AADACL2: variants seen among roughly 807,000 people sequenced by gnomAD.
The protein encoded by AADACL2 is arylacetamide deacetylase like 2.
In AADACL2, 23 loss-of-function variants were observed where a neutral mutation model predicts 22.3. The observed-to-expected ratio is 1.03, with a 90% CI of 0.74 to 1.46. AADACL2 has a LOEUF of 1.46. AADACL2 is among the 40% of genes most tolerant of loss of function. AADACL2 has a pLI of 0.00. For missense variants in AADACL2, 472 were observed against 482.9 expected (o/e 0.98, Z 0.21); for synonymous variants, 177 against 166.2 (o/e 1.07, Z -0.50).
chr3:151,738,329 CTCT>C (rs1713162899), intron 1 of AADACL2, among the ~76,000 whole-genome samples: 2 of 152,198 alleles, frequency 1.3e-5, no homozygotes, highest in Non-Finnish European at 2.9e-5. Flanking sequence ...TGTCCCCACT[CTCT>C]TCTGGCTTGT....
chr3:151,757,042 T>A lies in AADACL2; in HGVS notation c.654T>A (p.Leu218=). The change falls in exon 5 of 5, where the codon CTT becomes CTA. Residue 218 remains leucine, a synonymous_variant. Coordinates refer to ENST00000356517, the MANE Select transcript of AADACL2 (RefSeq NM_207365.4). ...ATAAAATCAAGATGCAAGTCTTACT[T>A]TACCCTGGCTTACAGATAACAGATT... The part of the protein sequence containing the change: ...IKHKIKMQVL[L]YPGLQITDSY... 1 of 1,611,912 alleles carries A rather than the reference T, an allele frequency of 6.2e-7. No individual in the cohort carries two copies. Among genetic ancestry groups the A allele is most frequent in the South Asian group, 1.1e-5 (1 of 90,958 alleles).
chr3:151,753,580 G>C (rs1713757779), intron 4 of AADACL2, among the ~76,000 whole-genome samples: 1 of 152,144 alleles, frequency 6.6e-6, no homozygotes, highest in Non-Finnish European at 1.5e-5. Context: ...GTTAGGGGTA[G>C]TTCATAGAAA....
rs191779932 is a variant in AADACL2 at position 151,740,730 on chromosome 3, T to C, written c.223T>C (p.Ser75Pro). 197 of 1,613,978 alleles carry C rather than the reference T, an allele frequency of 1.2e-4. 2 individuals carry two copies. The East Asian group carries it at 4.4e-3, about 36-fold the overall frequency. ...CAGGCTGGATTATACCCAACCACTT[T>C]CAGATGAATACATCACAGTGACTGA... is the stretch of plus-strand genomic sequence containing the variant. ...IFRLDYTQPL[S>P]DEYITVTDTT... Residue 75 changes from serine to proline, a missense_variant, in exon 2 of 5, where the codon TCA becomes CCA. Physicochemically the swap from Ser to Pro is moderately conservative, Grantham distance 74. Coordinates refer to ENST00000356517, the MANE Select transcript of AADACL2 (RefSeq NM_207365.4).
Position 151,759,982 on chromosome 3 carries a change from C to T in AADACL2, c.*2388C>T, listed in dbSNP as rs944413027. 1.3e-5 allele frequency: 2 copies of T among 152,074 alleles called. No homozygotes were observed. The highest frequency in any genetic ancestry group is 4.8e-5 in the African/African-American group (2 of 41,412). The allele number at this position is 152,074 out of a possible 1,614,324, so 9.4% of individuals were successfully genotyped here. On this transcript the variant is annotated 3_prime_UTR_variant, in exon 5 of 5. Coordinates refer to ENST00000356517, the MANE Select transcript of AADACL2 (RefSeq NM_207365.4). ...AATAATTGTACATATTCATGGGATA[C>T]ATAGTGACGTTTCAATACATATCAT...
chr3:151,745,737 A>G (rs1713423684), intron 4 of AADACL2, 57 bp downstream of exon 4: 4 of 1,516,210 alleles, frequency 2.6e-6, no homozygotes, highest in Admixed American at 4.4e-5. Context: ...TTTTTTTTCT[A>G]TAGATAATTC....
intron 4 of AADACL2, among the ~76,000 whole-genome samples, chr3:151,752,454 TC>T (rs1448627865): frequency 6.6e-6 from 1 of 152,230 alleles, no homozygotes; most frequent in African/African-American, 2.4e-5. Flanking sequence ...TTGCTAGATT[TC>T]CTGGCAACAT....
intron 4 of AADACL2, chr3:151,751,379 G>C (rs1444160801): frequency 3.3e-5 from 5 of 152,162 alleles, no homozygotes; most frequent in African/African-American, 9.7e-5. Context: ...TGTAACATTT[G>C]CTTGGCTTTG....
In AADACL2 at chr3:151,746,067, T is replaced by C. The variant is rs533918219; in HGVS notation, c.603+387T>C. Among the ~76,000 whole-genome samples, 21 of 152,274 alleles carry C rather than the reference T, an allele frequency of 1.4e-4. No individual in the cohort carries two copies. In the South Asian group the frequency reaches 3.9e-3, roughly 29 times the overall value. On this transcript the variant is annotated intron_variant, in intron 4 of 4. Coordinates refer to ENST00000356517, the MANE Select transcript of AADACL2 (RefSeq NM_207365.4). ...TTGACGTGTCAACAATATTGAGATTTCCAATTAATGTACATGGCATGTCTC... is the reference window on the plus strand; with the variant it reads ...TTGACGTGTCAACAATATTGAGATTCCCAATTAATGTACATGGCATGTCTC...
Position 151,755,789 on chromosome 3 carries a change from CTGTT to C in AADACL2, c.604-1197_604-1194del, listed in dbSNP as rs1047699587. On this transcript the variant is annotated intron_variant, in intron 4 of 4. Transcript: ENST00000356517. ...TGACCTGTCCCTGTTTATGTGTTCT[CTGTT>C]TGTTTTTTTCCTAGATTAGCGAGAT... Among the ~76,000 whole-genome samples, 10 of 151,982 alleles carry C rather than the reference CTGTT, an allele frequency of 6.6e-5. No individual in the cohort carries two copies. In the South Asian group the frequency reaches 1.0e-3, roughly 16 times the overall value.
chr3:151,757,597 A>G lies in AADACL2; in HGVS notation c.*3A>G, dbSNP rs1474589179. ...GTTGGCTGGATAAGAATTTATAAAT[A>G]TGTGATGTGTATGTATAGCCCTTAC... On this transcript the variant is annotated 3_prime_UTR_variant, in exon 5 of 5. Transcript: ENST00000356517. 2 of 1,600,678 alleles carry G rather than the reference A, an allele frequency of 1.2e-6. No homozygotes were observed. Among genetic ancestry groups the G allele is most frequent in the Non-Finnish European group, 1.7e-6 (2 of 1,172,990 alleles).
intron 4 of AADACL2, chr3:151,754,978 T>A (rs1273917837): frequency 6.6e-6 from 1 of 152,084 alleles, no homozygotes; most frequent in Non-Finnish European, 1.5e-5. Context: ...TTTTGAACTT[T>A]GCTTAGCTGG....
chr3:151,755,276 T>A (rs763437410), intron 4 of AADACL2: 6 of 152,118 alleles, frequency 3.9e-5, no homozygotes, highest in Non-Finnish European at 8.8e-5. Context: ...ACAACTTAGG[T>A]ATCATGTCAG....
In AADACL2 at chr3:151,757,276, A is replaced by G; in HGVS notation, c.888A>G (p.Val296=). 1 of 1,613,786 alleles carries G rather than the reference A, an allele frequency of 6.2e-7. No individual in the cohort carries two copies. Among genetic ancestry groups the G allele is most frequent in the Non-Finnish European group, 8.5e-7 (1 of 1,179,706 alleles). Residue 296 remains valine (V), a synonymous_variant, in exon 5 of 5, where the codon GTA becomes GTG. Transcript: ENST00000356517. ...LLPEKYRKDY[V]YTEPILGGLS... ...CTGAGAAGTATAGAAAAGACTATGT[A>G]TATACTGAACCAATTCTTGGAGGAC...
At chr3:151,747,911 G>A (rs1713512905) in intron 4 of AADACL2, among the ~76,000 whole-genome samples, 1 of 151,814 alleles carries the variant, frequency 6.6e-6, no homozygotes, top group Non-Finnish European at 1.5e-5. Context: ...AATGTACAAG[G>A]GGTCCTTGTA....
chr3:151,744,357 A>T lies in AADACL2; in HGVS notation c.431+195A>T, dbSNP rs114256508. 8.4e-3 allele frequency among the ~76,000 whole-genome samples: 1,285 copies of T among 152,258 alleles called. 19 individuals are homozygous for T. Among genetic ancestry groups the T allele is most frequent in the African/African-American group, 0.03 (1,228 of 41,548 alleles). ...TTTCTGTGATTGTGAGAATATCTGA[A>T]TTATACCCCAGAGTAAGCAGTTTTG... On this transcript the variant is annotated intron_variant, in intron 3 of 4. Coordinates refer to ENST00000356517, the MANE Select transcript of AADACL2 (RefSeq NM_207365.4).
chr3:151,741,484 G>C (rs1295383470), intron 2 of AADACL2, among the ~76,000 whole-genome samples: 1 of 152,054 alleles, frequency 6.6e-6, no homozygotes, highest in Non-Finnish European at 1.5e-5. Context: ...GTGAATGAGA[G>C]GGACATCTGA....
In AADACL2 at chr3:151,757,157, G is replaced by T. The variant is rs138086096; in HGVS notation, c.769G>T (p.Asp257Tyr). Residue 257 changes from aspartate (D) to tyrosine (Y), a missense_variant, in exon 5 of 5, where the codon GAT becomes TAT. Transcript: ENST00000356517. Reference protein sequence around the residue: ...IKLVSLYFTKDEALPWAMRRN... With the variant: ...IKLVSLYFTKYEALPWAMRRN... ...ACTCGTGAGCTTATATTTCACCAAG[G>T]ATGAAGCACTTCCCTGGGCAATGAG... 2.5e-6 allele frequency: 4 copies of T among 1,613,084 alleles called. No individual in the cohort carries two copies. In the African/African-American group the frequency reaches 5.4e-5, roughly 22 times the overall value.
At chr3:151,744,580 TA>T (rs1409753962) in intron 3 of AADACL2, among the ~76,000 whole-genome samples, 2 of 152,164 alleles carry the variant, frequency 1.3e-5, no homozygotes, top group Non-Finnish European at 2.9e-5. Flanking sequence ...TTTGATATAA[TA>T]ATATGTTTGT....
intron 4 of AADACL2, among the ~76,000 whole-genome samples, chr3:151,746,276 T>C (rs1249957357): frequency 6.6e-6 from 1 of 151,894 alleles, no homozygotes; most frequent in Non-Finnish European, 1.5e-5. Flanking sequence ...TTCTATGCTA[T>C]ATAGAAATAC....
Sources: gnomAD v4.1 joint callset for allele counts (sites outside exome capture counted in the v4.1 genomes callset) on GRCh38, gnomAD v4.1.1 for gene constraint, MANE v1.5 for transcripts, NCBI Gene and HGNC (gene_info 2026-07-23, HGNC 2026-07-21) for gene names.